The following CENPE variants were observed in gnomAD, a reference collection of about 807,000 sequenced individuals.
CENPE encodes centromere-associated protein E.
In CENPE, 145 loss-of-function variants were observed where a neutral mutation model predicts 336.1. The observed-to-expected ratio is 0.43, with a 90% CI of 0.38 to 0.50. The LOEUF is 0.50. Among genes scored for constraint, CENPE ranks in the 20% least tolerant of loss-of-function variants. The probability of loss-of-function intolerance (pLI) is 0.00; values close to 1 mark genes in which losing one functional copy is unlikely to be tolerated. For missense variants in CENPE, 2,719 were observed against 3,023.3 expected (o/e 0.90, Z 2.36); for synonymous variants, 1,013 against 984.8 (o/e 1.03, Z -0.54).
chr4:103,158,040 T>C (rs966290998), intron 24 of CENPE, among the ~76,000 whole-genome samples: 9 of 152,054 alleles, frequency 5.9e-5, no homozygotes, highest in South Asian at 4.1e-4. Context: ...AAGTTTAGTA[T>C]AGTAAATTTG....
At chr4:103,139,574 G>T (rs1026746697) in intron 38 of CENPE, among the ~76,000 whole-genome samples, 1 of 151,898 alleles carries the variant, frequency 6.6e-6, no homozygotes, top group African/African-American at 2.4e-5. Flanking sequence ...CTTTAACACA[G>T]TTTATAAAAA....
intron 8 of CENPE, among the ~76,000 whole-genome samples, chr4:103,188,324 C>A (rs1350416842): frequency 6.6e-6 from 1 of 152,198 alleles, no homozygotes; most frequent in Admixed American, 6.5e-5. Flanking sequence ...CTCTCCACCC[C>A]AAATCAACAG....
rs190719582 is a variant in CENPE, at chr4:103,108,715, T to C, written c.8011+88A>G. The stretch of plus-strand genomic sequence containing the variant: ...TAGCTTACTCAACTAAATCATCTCT[T>C]ATCTAAACTTGCCCTTTGGGATCAC... On this transcript the variant is annotated intron_variant, in intron 48 of 48. Coordinates refer to ENST00000265148, the MANE Select transcript of CENPE (RefSeq NM_001813.3). 268 of 1,221,052 alleles carry C rather than the reference T, an allele frequency of 2.2e-4. 2 individuals are homozygous for C. The East Asian group carries it at 5.2e-3, about 24-fold the overall frequency. 75.6% of individuals were successfully genotyped at this position (1,221,052 alleles called of 1,614,324 possible).
At chr4:103,113,481 ATTAC>A (rs1749770777) in intron 46 of CENPE, among the ~76,000 whole-genome samples, 2 of 141,128 alleles carry the variant, frequency 1.4e-5, no homozygotes, top group African/African-American at 5.2e-5. Context: ...TAACTTATAT[ATTAC>A]TTATATATGT....
At chr4:103,140,162 C>G (rs1004069366) in intron 37 of CENPE, 83 bp from the exon 38 acceptor site, 16 of 1,434,740 alleles carry the variant, frequency 1.1e-5, no homozygotes, top group African/African-American at 1.4e-5. Flanking sequence ...TCTATATGCA[C>G]ATATCTATCT....
intron 39 of CENPE, among the ~76,000 whole-genome samples, chr4:103,137,130 A>G (rs1752135973): frequency 6.6e-6 from 1 of 152,158 alleles, no homozygotes; most frequent in Non-Finnish European, 1.5e-5. Flanking sequence ...ACTTAGTTTA[A>G]AATTCTGATT....
intron 42 of CENPE, among the ~76,000 whole-genome samples, chr4:103,123,522 CAACTT>C (rs1402714493): frequency 1.3e-5 from 2 of 151,868 alleles, no homozygotes; most frequent in Non-Finnish European, 2.9e-5. Context: ...TAAAAGTTCT[CAACTT>C]AATAAGAAAA....
intron 8 of CENPE, among the ~76,000 whole-genome samples, chr4:103,188,873 C>A (rs960094735): frequency 2.0e-5 from 3 of 151,798 alleles, no homozygotes; most frequent in African/African-American, 7.3e-5. Flanking sequence ...TTGAAAAGAC[C>A]AACAAAATTG....
Position 103,146,053 on chromosome 4 carries a change from T to C in CENPE, c.4189A>G (p.Asn1397Asp). Residue 1397 changes from asparagine (N) to aspartate (D), a missense_variant, in exon 30 of 49, where the codon AAT becomes GAT. This residue lies in a region of CENPE where 2,437 missense variants were observed against 2,513.3 expected (regional missense o/e 0.97). Coordinates refer to ENST00000265148, the MANE Select transcript of CENPE (RefSeq NM_001813.3). ...EQSLNMKEKDNETTKIVSEME... is the reference protein window; with the variant it reads ...EQSLNMKEKDDETTKIVSEME... ...TCACTCACGATTTTGGTAGTTTCAT[T>C]GTCTTTTTCTTTCATATTTAAGGAC... 1.2e-6 allele frequency: 2 copies of C among 1,613,898 alleles called. No homozygotes were observed. The highest frequency in any genetic ancestry group is 1.7e-6 in the Non-Finnish European group (2 of 1,179,886).
Position 103,146,045 on chromosome 4 carries a change from A to C in CENPE, c.4197T>G (p.Thr1399=), listed in dbSNP as rs1578604549. 6.2e-7 allele frequency: 1 copy of C among 1,613,800 alleles called. No individual in the cohort carries two copies. The highest frequency in any genetic ancestry group is 8.5e-7 in the Non-Finnish European group (1 of 1,179,826). ...GCTCCATCTCACTCACGATTTTGGTAGTTTCATTGTCTTTTTCTTTCATAT... is the reference window on the plus strand; with the variant it reads ...GCTCCATCTCACTCACGATTTTGGTCGTTTCATTGTCTTTTTCTTTCATAT... The part of the protein sequence containing the change: ...SLNMKEKDNE[T]TKIVSEMEQF... The change falls in exon 30 of 49, where the codon ACT becomes ACG. Residue 1399 remains threonine (T), a synonymous_variant. Coordinates refer to ENST00000265148, the MANE Select transcript of CENPE (RefSeq NM_001813.3).
chr4:103,108,865 T>C lies in CENPE; in HGVS notation c.7949A>G (p.Lys2650Arg), dbSNP rs766417487. The change falls in exon 48 of 49, where the codon AAG (lysine) becomes AGG (arginine). Residue 2650 changes from lysine to arginine, a missense_variant. This residue lies in a region of CENPE where 2,437 missense variants were observed against 2,513.3 expected (regional missense o/e 0.97). Coordinates refer to ENST00000265148, the MANE Select transcript of CENPE (RefSeq NM_001813.3). ...PKSCFFDSRS[K>R]SLPSPHPVRY... ...AACTGGATGAGGTGATGGTAAAGACTTTGATCGGCTATCAAAAAAACAAGA... is the reference window on the plus strand; with the variant it reads ...AACTGGATGAGGTGATGGTAAAGACCTTGATCGGCTATCAAAAAAACAAGA... 1.1e-5 allele frequency: 18 copies of C among 1,613,814 alleles called. No homozygotes were observed. The Admixed American group carries it at 2.8e-4, about 25-fold the overall frequency.
At chr4:103,131,401 ATACTACACT>A (rs1449518315) in intron 42 of CENPE, among the ~76,000 whole-genome samples, 4 of 152,200 alleles carry the variant, frequency 2.6e-5, no homozygotes, top group South Asian at 2.1e-4. Flanking sequence ...GAATGGTCAA[ATACTACACT>A]TACTACACTT....
At chr4:103,152,516 A>G (rs530163965) in intron 25 of CENPE, among the ~76,000 whole-genome samples, 21 of 152,356 alleles carry the variant, frequency 1.4e-4, no homozygotes, top group African/African-American at 5.0e-4. Context: ...AATTCCATTT[A>G]GATATTTACC....
chr4:103,162,660 C>T (rs946569984), intron 18 of CENPE, among the ~76,000 whole-genome samples: 2 of 151,428 alleles, frequency 1.3e-5, no homozygotes, highest in Admixed American at 6.6e-5. Flanking sequence ...GCAGCCTCAA[C>T]CTCCCAGGCT....
Position 103,144,397 on chromosome 4 carries a change from ACTC to A in CENPE, c.5076_5078del (p.Arg1692del). 2 of 1,613,128 alleles carry A rather than the reference ACTC, an allele frequency of 1.2e-6. No individual in the cohort carries two copies. Among genetic ancestry groups the A allele is most frequent in the Non-Finnish European group, 1.7e-6 (2 of 1,179,658 alleles). On this transcript the variant is annotated inframe_deletion, in exon 33 of 49. Coordinates refer to ENST00000265148, the MANE Select transcript of CENPE (RefSeq NM_001813.3). ...TCTCTACTTTGAGAGTCTCCTCCAC[ACTC>A]CTAAGGTCATCTCTTTCTTTTGTTA...
rs772375325 is a variant in CENPE, at chr4:103,144,375, C to T, written c.5101G>A (p.Glu1701Lys). ...AGGTTTTCCTTGAGCTGGTCTCTCT[C>T]TACTTTGAGAGTCTCCTCCACACTC... is the stretch of plus-strand genomic sequence containing the variant. ...LRSVEETLKV[E>K]RDQLKENLRE... The change falls in exon 33 of 49, where the codon GAG (glutamate) becomes AAG (lysine). Residue 1701 changes from glutamate (E) to lysine (K), a missense_variant. This residue lies in a region of CENPE where 2,437 missense variants were observed against 2,513.3 expected (regional missense o/e 0.97). Transcript: ENST00000265148. 21 of 1,612,980 alleles carry T rather than the reference C, an allele frequency of 1.3e-5. No individual in the cohort carries two copies. In the South Asian group the frequency reaches 2.2e-4, roughly 17 times the overall value.
In CENPE at chr4:103,145,237, C is replaced by A. The variant is rs552529056; in HGVS notation, c.4670G>T (p.Arg1557Leu). 1.2e-6 allele frequency: 2 copies of A among 1,613,484 alleles called. No homozygotes were observed. Among genetic ancestry groups the A allele is most frequent in the East Asian group, 2.2e-5 (1 of 44,824 alleles). ...TTGTAGTGCTGAATCCTTGGCTTTG[C>A]GATGCTCCTTGAATTGTTTCAGTTC... ...VNELKQFKEH[R>L]KAKDSALQSI... Residue 1557 changes from arginine to leucine, a missense_variant, in exon 32 of 49, where the codon CGC becomes CTC. Physicochemically the swap from Arg to Leu is moderately radical, Grantham distance 102. Around this residue, in one of 5 missense-constraint regions of CENPE, gnomAD observed 2,437 missense variants for 2,513.3 expected, o/e 0.97. Coordinates refer to ENST00000265148, the MANE Select transcript of CENPE (RefSeq NM_001813.3).
At chr4:103,185,363 T>C in intron 9 of CENPE, among the ~76,000 whole-genome samples, 1 of 151,800 alleles carries the variant, frequency 6.6e-6, no homozygotes, top group East Asian at 1.9e-4. Flanking sequence ...CTTTGTTGAG[T>C]TTCTTCCTAG....
chr4:103,118,651 T>C (rs552388241), intron 44 of CENPE, among the ~76,000 whole-genome samples: 2 of 152,340 alleles, frequency 1.3e-5, no homozygotes, highest in South Asian at 4.1e-4. Context: ...CTTGGAGTTT[T>C]CTAGTTTTGC....
Sources: gnomAD v4.1 joint callset for allele counts (sites outside exome capture counted in the v4.1 genomes callset) on GRCh38, gnomAD v4.1.1 for gene constraint, gnomAD v4.1.1 regional missense constraint, MANE v1.5 for transcripts, NCBI Gene and HGNC (gene_info 2026-07-23, HGNC 2026-07-21) for gene names.